ZNF516: variants seen among roughly 807,000 people sequenced by gnomAD.
ZNF516 encodes the protein zinc finger protein 516.
Under a neutral mutation model 79.7 loss-of-function variants are expected in ZNF516, and 19 were observed. That is an observed-to-expected ratio of 0.24 (90% CI 0.17 to 0.35). The LOEUF (loss-of-function observed/expected upper bound fraction) is 0.35, where lower values mean the gene tolerates loss of function less well. Among genes scored for constraint, ZNF516 ranks in the 10% least tolerant of loss-of-function variants. ZNF516 has a pLI of 1.00. For synonymous variants in ZNF516, 877 were observed against 739.5 expected (o/e 1.19, Z -3.02); for missense variants, 1,678 against 1,679.5 (o/e 1.00, Z 0.02).
intron 6 of ZNF516, among the ~76,000 whole-genome samples, chr18:76,368,568 G>A (rs1802272555): frequency 6.6e-6 from 1 of 151,918 alleles, no homozygotes; most frequent in African/African-American, 2.4e-5. Flanking sequence ...CACAGGCTAA[G>A]TCTGAAAGCC....
rs947453342 is a variant in ZNF516 at position 76,361,096 on chromosome 18, CAATT to C, written c.*1398_*1401del. 8 of 151,560 alleles carry C rather than the reference CAATT, an allele frequency of 5.3e-5. No homozygotes were observed. Among genetic ancestry groups the C allele is most frequent in the Non-Finnish European group, 1.2e-4 (8 of 67,918 alleles). The allele number at this position is 151,560 out of a possible 1,614,324, so 9.4% of individuals were successfully genotyped here. A position where few individuals can be genotyped will look rare whatever the true frequency, so the allele number is the denominator to read the frequency against. On this transcript the variant is annotated 3_prime_UTR_variant, in exon 7 of 7. Transcript: ENST00000443185. ...CATTTCCTGCCTTTACAAAATTTCA[CAATT>C]AAAAAAAAACCTAGTAAAGCTTTTG...
chr18:76,489,958 A>G (rs1313985555), intron 1 of ZNF516, among the ~76,000 whole-genome samples: 1 of 152,236 alleles, frequency 6.6e-6, no homozygotes, highest in African/African-American at 2.4e-5. Context: ...TAGTTTTATT[A>G]CAGATCCACC....
intron 3 of ZNF516, among the ~76,000 whole-genome samples, chr18:76,427,532 A>G (rs2075611483): frequency 6.6e-6 from 1 of 152,262 alleles, no homozygotes; most frequent in Admixed American, 6.5e-5. Context: ...ACAATGTGGA[A>G]TAAAGCAAAT....
At chr18:76,480,753 C>A (rs879633821) in intron 1 of ZNF516, among the ~76,000 whole-genome samples, 1 of 152,120 alleles carries the variant, frequency 6.6e-6, no homozygotes, top group Non-Finnish European at 1.5e-5. Flanking sequence ...AACTCCTGAC[C>A]TCAAGTGATC....
intron 3 of ZNF516, among the ~76,000 whole-genome samples, chr18:76,423,230 A>C (rs1024032341): frequency 3.3e-5 from 5 of 152,242 alleles, no homozygotes; most frequent in African/African-American, 1.2e-4. Flanking sequence ...CAAGCTAGGA[A>C]AGGAAAAGCT....
Position 76,441,742 on chromosome 18 carries a change from GC to G in ZNF516, c.1312del (p.Ala438ProfsTer22). On this transcript the variant is annotated frameshift_variant, in exon 3 of 7. Transcript: ENST00000443185. LOFTEE classifies it high-confidence loss of function. ...GTCCCCGGCCAGCGCCTCGTCCCAGGCCCCGTACTTGAGGTACTCGGCCGGC... is the reference window on the plus strand; with the variant it reads ...GTCCCCGGCCAGCGCCTCGTCCCAGGCCCGTACTTGAGGTACTCGGCCGGC... ...AEPAEYLKYG[A>X]WDEALAGDVA... is the part of the protein sequence containing the mutation. The G allele has an allele frequency of 6.4e-7, 1 of 1,572,718 alleles. No individual in the cohort carries two copies. Among genetic ancestry groups the G allele is most frequent in the East Asian group, 2.3e-5 (1 of 42,682 alleles).
At position 76,358,913 on chromosome 18, in the gene ZNF516, C is replaced by G. The variant is rs1409669392; in HGVS notation, c.*3585G>C. ...TCCCTACTGACCCTGTAACCTACAC[C>G]CTCTCTGTCCAAAGAACAGAGGCCG... On this transcript the variant is annotated 3_prime_UTR_variant, in exon 7 of 7. Coordinates refer to ENST00000443185, the MANE Select transcript of ZNF516 (RefSeq NM_014643.4). 1 of 152,274 alleles carries G rather than the reference C, an allele frequency of 6.6e-6. No homozygotes were observed. Among genetic ancestry groups the G allele is most frequent in the Non-Finnish European group, 1.5e-5 (1 of 68,134 alleles). 9.4% of individuals were successfully genotyped at this position (152,274 alleles called of 1,614,324 possible).
At chr18:76,420,876 A>G (rs2075498287) in intron 3 of ZNF516, among the ~76,000 whole-genome samples, 1 of 152,246 alleles carries the variant, frequency 6.6e-6, no homozygotes, top group Non-Finnish European at 1.5e-5. Context: ...AATATCAATA[A>G]GTGTAACTGA....
chr18:76,471,824 T>C (rs1201186833), intron 1 of ZNF516, among the ~76,000 whole-genome samples: 3 of 152,184 alleles, frequency 2.0e-5, no homozygotes, highest in Non-Finnish European at 4.4e-5. Flanking sequence ...CCACAGCAGA[T>C]GGAAGCTGTT....
At chr18:76,494,789 G>C (rs966658149) in intron 1 of ZNF516, among the ~76,000 whole-genome samples, 1 of 151,488 alleles carries the variant, frequency 6.6e-6, no homozygotes, top group East Asian at 2.0e-4. Context: ...CCCTCCTCCC[G>C]CGTCGCCTTT....
chr18:76,492,687 A>C (rs184581367), intron 1 of ZNF516: 90 of 979,286 alleles, frequency 9.2e-5, no homozygotes, highest in Middle Eastern at 5.2e-4. Context: ...AGGCCAGAGA[A>C]ACCGCACGTT....
intron 4 of ZNF516, among the ~76,000 whole-genome samples, chr18:76,376,534 A>C (rs1056581745): frequency 5.1e-4 from 7 of 13,846 alleles, no homozygotes; most frequent in South Asian, 4.3e-3. Flanking sequence ...TCTCTCTTTC[A>C]AAAAAAAAAA....
At chr18:76,479,065 A>G in intron 1 of ZNF516, among the ~76,000 whole-genome samples, 1 of 152,132 alleles carries the variant, frequency 6.6e-6, no homozygotes, top group South Asian at 2.1e-4. Flanking sequence ...CAAAAAAAAA[A>G]AAGATCCACT....
intron 3 of ZNF516, among the ~76,000 whole-genome samples, chr18:76,420,215 T>C (rs2075488944): frequency 6.6e-6 from 1 of 152,202 alleles, no homozygotes; most frequent in Non-Finnish European, 1.5e-5. Flanking sequence ...AAGCTTAAGA[T>C]CTAAGTAAGC....
At chr18:76,425,951 G>A (rs543349716) in intron 3 of ZNF516, among the ~76,000 whole-genome samples, 78 of 152,316 alleles carry the variant, frequency 5.1e-4, no homozygotes, top group African/African-American at 1.6e-3. Flanking sequence ...TGCTCTTCGC[G>A]GCACAGGGAA....
chr18:76,490,679 A>T, intron 1 of ZNF516: 1 of 736,304 alleles, frequency 1.4e-6, no homozygotes, highest in Non-Finnish European at 1.7e-6. Context: ...CTTTTAAATT[A>T]CCTTCAATCA....
At chr18:76,488,782 C>T (rs1291057860) in intron 1 of ZNF516, among the ~76,000 whole-genome samples, 1 of 152,216 alleles carries the variant, frequency 6.6e-6, no homozygotes, top group Non-Finnish European at 1.5e-5. Context: ...AGTTACACAT[C>T]TCCAGTTAAA....
At chr18:76,370,442 G>T in intron 6 of ZNF516, 86 bp downstream of exon 6, 1 of 1,280,456 alleles carries the variant, frequency 7.8e-7, no homozygotes, top group Non-Finnish European at 1.1e-6. Context: ...ACAAAAAGAA[G>T]GTCATGCTTC....
chr18:76,440,698 G>A (rs1276788114), intron 3 of ZNF516, among the ~76,000 whole-genome samples: 3 of 152,002 alleles, frequency 2.0e-5, no homozygotes, highest in Non-Finnish European at 4.4e-5. Flanking sequence ...TTTGAAGATA[G>A]TCTTCTACCC....
Sources: gnomAD v4.1 joint callset for allele counts (sites outside exome capture counted in the v4.1 genomes callset) on GRCh38, gnomAD v4.1.1 for gene constraint, MANE v1.5 for transcripts, NCBI Gene and HGNC (gene_info 2026-07-23, HGNC 2026-07-21) for gene names.